ARID2: variants seen among roughly 807,000 people sequenced by gnomAD.
The protein encoded by ARID2 is AT-rich interactive domain-containing protein 2.
Under a neutral mutation model 184.6 loss-of-function variants are expected in ARID2, and 32 were observed. The ratio of observed to expected loss-of-function variants is 0.17; its 90% CI spans 0.13 to 0.23. ARID2 has a LOEUF of 0.23. Among genes scored for constraint, ARID2 ranks in the 10% least tolerant of loss-of-function variants. The pLI, the probability that ARID2 is intolerant of heterozygous loss-of-function variation, is 1.00. For synonymous variants in ARID2, 836 were observed against 772.6 expected (o/e 1.08, Z -1.36); for missense variants, 1,696 against 2,197.6 (o/e 0.77, Z 4.56).
chr12:45,790,841 T>C (rs1269174381), intron 3 of ARID2, among the ~76,000 whole-genome samples: 1 of 152,206 alleles, frequency 6.6e-6, no homozygotes, highest in African/African-American at 2.4e-5. Flanking sequence ...CATTTAGATA[T>C]GATTTTTTTT....
rs1333611997 is a variant in ARID2, at chr12:45,839,377, A to G, written c.1379A>G (p.Asp460Gly). 2 of 1,613,814 alleles carry G rather than the reference A, an allele frequency of 1.2e-6. No individual in the cohort carries two copies. Among genetic ancestry groups the G allele is most frequent in the Admixed American group, 3.3e-5 (2 of 59,952 alleles). ...VSMDIQMFGP[D>G]ALAAVKLIEH... Reference sequence around the variant, plus strand: ...ATGGATATTCAGATGTTTGGCCCTGATGCACTAGCTGCGGTAAAACTCATT... The same window carrying G: ...ATGGATATTCAGATGTTTGGCCCTGGTGCACTAGCTGCGGTAAAACTCATT... Residue 460 changes from aspartate to glycine, a missense_variant, in exon 11 of 21, where the codon GAT becomes GGT. Asp to Gly is a moderately conservative substitution (Grantham distance 94, BLOSUM62 -1). Coordinates refer to ENST00000334344, the MANE Select transcript of ARID2 (RefSeq NM_152641.4).
chr12:45,756,462 A>G (rs953099685), intron 3 of ARID2, among the ~76,000 whole-genome samples: 1 of 152,202 alleles, frequency 6.6e-6, no homozygotes, highest in Admixed American at 6.5e-5. Flanking sequence ...TGATTTTTAA[A>G]TAGCTATCAC....
chr12:45,814,674 A>G (rs1458482534), intron 4 of ARID2, among the ~76,000 whole-genome samples: 1 of 152,168 alleles, frequency 6.6e-6, no homozygotes, highest in Non-Finnish European at 1.5e-5. Context: ...TTCCCTCCTC[A>G]TTCCAGTTAT....
At chr12:45,756,862 G>A (rs1941581155) in intron 3 of ARID2, among the ~76,000 whole-genome samples, 2 of 152,144 alleles carry the variant, frequency 1.3e-5, no homozygotes, top group Non-Finnish European at 2.9e-5. Context: ...TAGTGCCACT[G>A]CACTCCAGCC....
chr12:45,762,978 A>G (rs547735964), intron 3 of ARID2, among the ~76,000 whole-genome samples: 1 of 152,352 alleles, frequency 6.6e-6, no homozygotes, highest in South Asian at 2.1e-4. Context: ...GTGATCTATA[A>G]CAGCTACTAT....
At chr12:45,806,158 T>G (rs1167095753) in intron 3 of ARID2, among the ~76,000 whole-genome samples, 1 of 152,144 alleles carries the variant, frequency 6.6e-6, no homozygotes, top group Non-Finnish European at 1.5e-5. Flanking sequence ...TTCTGGCAAT[T>G]AATTTTTGGA....
chr12:45,823,928 A>T (rs960260796), intron 6 of ARID2, among the ~76,000 whole-genome samples: 2 of 152,158 alleles, frequency 1.3e-5, no homozygotes, highest in Admixed American at 6.6e-5. Flanking sequence ...TCCTTAACTC[A>T]TTCTTTGAGG....
intron 3 of ARID2, among the ~76,000 whole-genome samples, chr12:45,742,437 G>A (rs1299854582): frequency 1.3e-5 from 2 of 152,138 alleles, no homozygotes; most frequent in Admixed American, 6.5e-5. Flanking sequence ...GTTTGTGTAA[G>A]TGCGTTTTGT....
intron 3 of ARID2, among the ~76,000 whole-genome samples, chr12:45,736,161 G>T (rs949932826): frequency 4.6e-5 from 7 of 152,168 alleles, no homozygotes; most frequent in Admixed American, 4.6e-4. Flanking sequence ...ACCAAGACCA[G>T]TCTGGCTAAC....
intron 12 of ARID2, 24 bp from the exon 13 acceptor site, chr12:45,848,812 T>C: frequency 6.2e-7 from 1 of 1,600,428 alleles, no homozygotes; most frequent in South Asian, 1.1e-5. Flanking sequence ...TATTGTATAA[T>C]GCTTAATTTT....
chr12:45,787,114 G>A (rs1332692678), intron 3 of ARID2, among the ~76,000 whole-genome samples: 3 of 152,062 alleles, frequency 2.0e-5, no homozygotes, highest in Admixed American at 6.6e-5. Flanking sequence ...AACTAAAAGT[G>A]TAGAGTTTAA....
intron 3 of ARID2, among the ~76,000 whole-genome samples, chr12:45,747,654 ATAG>A (rs1941384861): frequency 6.6e-6 from 1 of 152,216 alleles, no homozygotes; most frequent in African/African-American, 2.4e-5. Flanking sequence ...TACAGAATTA[ATAG>A]TATAGCATTT....
chr12:45,738,887 A>G (rs1941185782), intron 3 of ARID2, among the ~76,000 whole-genome samples: 2 of 143,710 alleles, frequency 1.4e-5, no homozygotes, highest in African/African-American at 5.2e-5. Flanking sequence ...GATATTTTAC[A>G]TATTTTCAGA....
At chr12:45,831,713 G>C (rs1298223329) in intron 6 of ARID2, among the ~76,000 whole-genome samples, 8 of 152,110 alleles carry the variant, frequency 5.3e-5, no homozygotes, top group African/African-American at 1.9e-4. Context: ...GTTCAGTTCA[G>C]TTGTTCTACA....
chr12:45,836,668 A>T lies in ARID2; in HGVS notation c.772+13A>T, dbSNP rs1247649919. On this transcript the variant is annotated intron_variant, in intron 7 of 20. Transcript: ENST00000334344. Reference sequence around the variant, plus strand: ...AACAAGTCTCATGGTAAGTTAGTGAAAGCAAAATTTTTCAAAACCTTTGAA... The same window carrying T: ...AACAAGTCTCATGGTAAGTTAGTGATAGCAAAATTTTTCAAAACCTTTGAA... 6.2e-7 allele frequency: 1 copy of T among 1,603,764 alleles called. No homozygotes were observed. The highest frequency in any genetic ancestry group is 8.5e-7 in the Non-Finnish European group (1 of 1,176,636).
intron 3 of ARID2, among the ~76,000 whole-genome samples, chr12:45,742,502 C>T (rs574042808): frequency 4.6e-5 from 7 of 152,156 alleles, no homozygotes; most frequent in South Asian, 2.1e-4. Context: ...ATGTAAAACA[C>T]GTAAGATTAA....
At chr12:45,853,044 G>A in intron 15 of ARID2, 148 bp downstream of exon 15, 2 of 1,247,864 alleles carry the variant, frequency 1.6e-6, no homozygotes, top group Non-Finnish European at 2.1e-6. Flanking sequence ...CTTTTTCTCT[G>A]GTTTTGTAAT....
In ARID2 at chr12:45,786,894, C is replaced by CA. The variant is rs375158210; in HGVS notation, c.285-24521dup. Among the ~76,000 whole-genome samples, 614 of 152,226 alleles carry CA rather than the reference C, an allele frequency of 4.0e-3. 9 individuals are homozygous for CA. Among genetic ancestry groups the CA allele is most frequent in the African/African-American group, 0.013 (552 of 41,542 alleles). ...GTAAAATGAGTCAGGCACAGAAACA[C>CA]AAATACTGCATGAGCTCAATTATAT... On this transcript the variant is annotated intron_variant, in intron 3 of 20. Transcript: ENST00000334344.
intron 3 of ARID2, among the ~76,000 whole-genome samples, chr12:45,760,977 T>C (rs1941667431): frequency 6.6e-6 from 1 of 152,220 alleles, no homozygotes. Context: ...TCCTTCCATG[T>C]TGGCCCCACA....
Sources: allele counts gnomAD v4.1 joint callset (sites outside exome capture counted in the v4.1 genomes callset), GRCh38; gene constraint gnomAD v4.1.1; transcripts MANE v1.5; gene names NCBI Gene and HGNC (gene_info 2026-07-23, HGNC 2026-07-21).